The following CTNNA3 variants were observed in gnomAD, a reference collection of about 807,000 sequenced individuals.
The protein encoded by CTNNA3 is catenin alpha 3.
In CTNNA3, 76 loss-of-function variants were observed where a neutral mutation model predicts 95.7. That is an observed-to-expected ratio of 0.79 (90% CI 0.66 to 0.96). The LOEUF (loss-of-function observed/expected upper bound fraction) is 0.96. CTNNA3 is among the 40% of genes least tolerant of loss of function. CTNNA3 has a pLI of 0.00. For missense variants in CTNNA3, 1,191 were observed against 1,089.8 expected (o/e 1.09, Z -1.31); for synonymous variants, 431 against 374.4 (o/e 1.15, Z -1.74).
chr10:66,312,684 C>CT (rs2092038739), intron 12 of CTNNA3, among the ~76,000 whole-genome samples: 1 of 151,900 alleles, frequency 6.6e-6, no homozygotes, highest in Non-Finnish European at 1.5e-5. Context: ...GTAGCTGGGA[C>CT]TACAGGCATG....
chr10:67,746,399 C>T lies in CTNNA3; in HGVS notation c.-2+17035G>A, dbSNP rs994831617. 3.9e-5 allele frequency among the ~76,000 whole-genome samples: 6 copies of T among 152,020 alleles called. No homozygotes were observed. The East Asian group carries it at 5.8e-4, about 15-fold the overall frequency. On this transcript the variant is annotated intron_variant, in intron 1 of 17. Transcript: ENST00000684154. ...CATGAATGAAACTGAGGGAGTGGGG[C>T]GGAGCTGAGATGGCTAACTAGAAAC...
chr10:67,399,796 A>G (rs1844850566), intron 5 of CTNNA3, among the ~76,000 whole-genome samples: 1 of 152,164 alleles, frequency 6.6e-6, no homozygotes, highest in Non-Finnish European at 1.5e-5. Context: ...GGTAACCAAG[A>G]CTGTTTTAAA....
intron 15 of CTNNA3, among the ~76,000 whole-genome samples, chr10:66,006,259 C>T (rs538370734): frequency 2.3e-4 from 35 of 151,982 alleles, no homozygotes; most frequent in Admixed American, 7.2e-4. Flanking sequence ...GTGATCCGCC[C>T]GCCTCGGCCT....
intron 9 of CTNNA3, among the ~76,000 whole-genome samples, chr10:66,722,301 C>T (rs913961784): frequency 6.6e-6 from 1 of 151,700 alleles, no homozygotes; most frequent in Non-Finnish European, 1.5e-5. Flanking sequence ...GGATGTGAAC[C>T]TGGGAGGCGG....
chr10:67,240,069 A>G (rs921530333), intron 5 of CTNNA3, among the ~76,000 whole-genome samples: 1 of 152,212 alleles, frequency 6.6e-6, no homozygotes, highest in Non-Finnish European at 1.5e-5. Flanking sequence ...ACTCTGCTCA[A>G]CAAAGCAGAG....
chr10:66,779,890 C>CA (rs1397658211), intron 7 of CTNNA3, among the ~76,000 whole-genome samples: 2 of 152,082 alleles, frequency 1.3e-5, no homozygotes, highest in Non-Finnish European at 2.9e-5. Flanking sequence ...TTCAGGTGCA[C>CA]AAATCTAGTG....
intron 5 of CTNNA3, among the ~76,000 whole-genome samples, chr10:67,498,983 T>C (rs879916446): frequency 4.6e-5 from 7 of 152,060 alleles, no homozygotes; most frequent in Non-Finnish European, 5.9e-5. Context: ...TGAATAGGAG[T>C]GGTGAGAGAG....
At chr10:66,331,393 G>A (rs778867775) in intron 12 of CTNNA3, among the ~76,000 whole-genome samples, 29 of 106,052 alleles carry the variant, frequency 2.7e-4, no homozygotes, top group African/African-American at 6.4e-4. Context: ...TTGCTCTGTC[G>A]CCCAGGCTGG....
chr10:66,120,432 T>C (rs917508583), intron 13 of CTNNA3, among the ~76,000 whole-genome samples: 1 of 152,168 alleles, frequency 6.6e-6, no homozygotes, highest in Non-Finnish European at 1.5e-5. Flanking sequence ...AAATAAATAA[T>C]GTAGAAAATT....
chr10:66,447,034 G>C (rs1486607787), intron 11 of CTNNA3, among the ~76,000 whole-genome samples: 1 of 151,478 alleles, frequency 6.6e-6, no homozygotes, highest in Non-Finnish European at 1.5e-5. Context: ...ACCAATAACA[G>C]ACAAACAGAG....
chr10:67,620,841 CTTAA>C (rs1370051507), intron 2 of CTNNA3, among the ~76,000 whole-genome samples: 1 of 149,324 alleles, frequency 6.7e-6, no homozygotes, highest in Non-Finnish European at 1.5e-5. Context: ...TTTATTAAGC[CTTAA>C]TTTATTTAAT....
At chr10:66,881,571 A>T (rs1329804009) in intron 7 of CTNNA3, among the ~76,000 whole-genome samples, 2 of 152,106 alleles carry the variant, frequency 1.3e-5, no homozygotes, top group African/African-American at 2.4e-5. Context: ...TCAAATAAAT[A>T]ATAACTTTAG....
chr10:66,532,995 C>T (rs1031431064), intron 10 of CTNNA3, among the ~76,000 whole-genome samples: 2 of 152,124 alleles, frequency 1.3e-5, no homozygotes, highest in Non-Finnish European at 2.9e-5. Context: ...TCTACACGAT[C>T]ATTATCTCTC....
chr10:65,920,706 GC>G, intron 17 of CTNNA3, 89 bp from the exon 18 acceptor site: 1 of 1,400,048 alleles, frequency 7.1e-7, no homozygotes. Flanking sequence ...TGTGCCCGTT[GC>G]CCCAGCTACT....
intron 5 of CTNNA3, among the ~76,000 whole-genome samples, chr10:67,309,294 C>A (rs1840685716): frequency 6.6e-6 from 1 of 152,160 alleles, no homozygotes; most frequent in African/African-American, 2.4e-5. Context: ...ATACTACTCA[C>A]TCACCATCAT....
chr10:67,093,638 C>T (rs949639084), intron 7 of CTNNA3, among the ~76,000 whole-genome samples: 52 of 151,576 alleles, frequency 3.4e-4, no homozygotes, highest in African/African-American at 1.2e-3. Context: ...TTTTTTGGTG[C>T]AAGGACATAC....
chr10:65,998,357 AC>A (rs913283652), intron 15 of CTNNA3, among the ~76,000 whole-genome samples: 12 of 152,150 alleles, frequency 7.9e-5, no homozygotes, highest in African/African-American at 2.7e-4. Context: ...TGATAAGGGG[AC>A]ATTTTTCTAT....
chr10:66,199,641 G>A (rs115444452), intron 13 of CTNNA3, among the ~76,000 whole-genome samples: 5,548 of 149,470 alleles, frequency 0.037, 362 homozygotes, highest in African/African-American at 0.13. Flanking sequence ...TTGCTCTGCC[G>A]TCCCGGCTGG....
At position 66,865,407 on chromosome 10, in the gene CTNNA3, G is replaced by C. The variant is rs12259067; in HGVS notation, c.1048-89883C>G. Among the ~76,000 whole-genome samples, 603 of 152,034 alleles carry C rather than the reference G, an allele frequency of 4.0e-3. 4 individuals are homozygous for C. Among genetic ancestry groups the C allele is most frequent in the African/African-American group, 0.014 (579 of 41,474 alleles). ...AGCATTTTGTCAGTAAATAATCAGA[G>C]AATCAGTCCTGAACAGTAAATTCGA... On this transcript the variant is annotated intron_variant, in intron 7 of 17. Coordinates refer to ENST00000433211, the MANE Select transcript of CTNNA3 (RefSeq NM_013266.4).
Sources: allele counts gnomAD v4.1 joint callset (sites outside exome capture counted in the v4.1 genomes callset), GRCh38; gene constraint gnomAD v4.1.1; transcripts MANE v1.5; gene names NCBI Gene and HGNC (gene_info 2026-07-23, HGNC 2026-07-21).